NUP98: variants seen among roughly 807,000 people sequenced by gnomAD.
NUP98 encodes the protein nuclear pore complex protein Nup98-Nup96.
NUP98 carries 26 observed loss-of-function variants against 191.9 expected under a neutral mutation model. The observed-to-expected ratio is 0.14, with a 90% confidence interval of 0.10 to 0.19. The LOEUF is 0.19. Among genes scored for constraint, NUP98 ranks in the 10% least tolerant of loss-of-function variants. NUP98 has a pLI of 1.00. For missense variants in NUP98, 1,941 were observed against 2,178.8 expected (o/e 0.89, Z 2.17); for synonymous variants, 808 against 778.4 (o/e 1.04, Z -0.63).
intron 18 of NUP98, among the ~76,000 whole-genome samples, chr11:3,718,512 G>C (rs900494825): frequency 6.6e-6 from 1 of 151,856 alleles, no homozygotes; most frequent in Non-Finnish European, 1.5e-5. Context: ...CTCCAGCTTG[G>C]GCAAAGGAGT....
At chr11:3,763,092 G>C in intron 8 of NUP98, 53 bp from the exon 9 acceptor site, 2 of 1,520,222 alleles carry the variant, frequency 1.3e-6, no homozygotes, top group Non-Finnish European at 1.8e-6. Context: ...TTTCCGTAAC[G>C]AATCTCAGAG....
rs1433107911 is a variant in NUP98 at position 3,782,046 on chromosome 11, T to C, written c.72A>G (p.Gly24=). 1 of 1,611,602 alleles carries C rather than the reference T, an allele frequency of 6.2e-7. No homozygotes were observed. The highest frequency in any genetic ancestry group is 8.5e-7 in the Non-Finnish European group (1 of 1,178,294). ...TGGFGTTSTF[G]QNTGFGTTSG... is the part of the protein sequence containing the mutation. ...TTGTCCTTTTTAAAAACTTACTCTG[T>C]CCAAATGTTGAAGTTGTGCCAAAGC... The change falls in exon 2 of 33, where the codon GGA becomes GGG. Residue 24 remains glycine, a synonymous_variant. Transcript: ENST00000324932.
At chr11:3,766,269 G>GGAGGT (rs2081336366) in intron 8 of NUP98, among the ~76,000 whole-genome samples, 1 of 152,042 alleles carries the variant, frequency 6.6e-6, no homozygotes, top group Non-Finnish European at 1.5e-5. Context: ...CAGCTACTTG[G>GGAGGT]GAGGTGAGGT....
intron 7 of NUP98, among the ~76,000 whole-genome samples, chr11:3,770,897 C>T (rs2081509883): frequency 1.3e-5 from 2 of 152,072 alleles, no homozygotes; most frequent in Non-Finnish European, 2.9e-5. Context: ...TGGAGTCTTG[C>T]TGTCACCCAG....
At chr11:3,748,361 C>T (rs893156131) in intron 11 of NUP98, among the ~76,000 whole-genome samples, 13 of 152,136 alleles carry the variant, frequency 8.5e-5, no homozygotes, top group African/African-American at 2.4e-4. Flanking sequence ...GTCAGGAGTT[C>T]CAGACTAGCC....
chr11:3,778,610 A>T (rs1302763767), intron 4 of NUP98, among the ~76,000 whole-genome samples: 1 of 152,176 alleles, frequency 6.6e-6, no homozygotes, highest in East Asian at 1.9e-4. Context: ...TCCTTTCTCT[A>T]GCCATTTTGC....
At chr11:3,791,910 C>T (rs899156780) in intron 1 of NUP98, among the ~76,000 whole-genome samples, 15 of 149,886 alleles carry the variant, frequency 1.0e-4, no homozygotes, top group African/African-American at 3.2e-4. Flanking sequence ...CTGGGCGCAG[C>T]GGCTCATGCC....
chr11:3,782,009 T>A (rs925077024), intron 2 of NUP98, 33 bp downstream of exon 2: 7 of 1,471,780 alleles, frequency 4.8e-6, no homozygotes, highest in African/African-American at 1.4e-5. Context: ...GAGATTAAGG[T>A]TTCTCCCTCT....
intron 14 of NUP98, among the ~76,000 whole-genome samples, chr11:3,730,864 A>G (rs1224663370): frequency 6.6e-6 from 1 of 152,212 alleles, no homozygotes; most frequent in African/African-American, 2.4e-5. Flanking sequence ...CATATGTAAA[A>G]TAAGAGGCAT....
chr11:3,790,268 TA>T (rs2082290899), intron 1 of NUP98, among the ~76,000 whole-genome samples: 1 of 152,180 alleles, frequency 6.6e-6, no homozygotes, highest in African/African-American at 2.4e-5. Context: ...GATTTTCAAA[TA>T]TTTTTTAGCC....
chr11:3,757,397 G>A lies in NUP98; in HGVS notation c.1174+3142C>T, dbSNP rs185780828. Among the ~76,000 whole-genome samples the A allele has an allele frequency of 2.2e-3, 338 of 152,010 alleles. 3 individuals are homozygous for A. Among genetic ancestry groups the A allele is most frequent in the African/African-American group, 7.7e-3 (318 of 41,450 alleles). On this transcript the variant is annotated intron_variant, in intron 10 of 32. Transcript: ENST00000324932. ...AGCTACTCAGGAGGCTGAGGTGGGA[G>A]GATCACTTGAGCCCAGGAGGCGGAG... is the stretch of plus-strand genomic sequence containing the variant.
chr11:3,781,897 T>C (rs1005117924), intron 2 of NUP98, 145 bp downstream of exon 2: 8 of 518,666 alleles, frequency 1.5e-5, no homozygotes, highest in Non-Finnish European at 2.7e-5. Flanking sequence ...GTTAAAGAGA[T>C]CTTATCCTAA....
intron 22 of NUP98, among the ~76,000 whole-genome samples, chr11:3,704,103 A>T (rs1185113490): frequency 6.6e-6 from 1 of 152,218 alleles, no homozygotes; most frequent in Non-Finnish European, 1.5e-5. Context: ...ATTACGGAAA[A>T]GGTTATTAAG....
In NUP98 at chr11:3,695,915, G is replaced by A. The variant is rs539231504; in HGVS notation, c.4010-309C>T. ...GCTACAAAATGGAGGAAAACAGCCC[G>A]GCATGGTGGCTAATGCCTGTAATCC... On this transcript the variant is annotated intron_variant, in intron 25 of 32. Coordinates refer to ENST00000324932, the MANE Select transcript of NUP98 (RefSeq NM_016320.5). Among the ~76,000 whole-genome samples, 15 of 152,294 alleles carry A rather than the reference G, an allele frequency of 9.8e-5. No homozygotes were observed. The South Asian group carries it at 1.5e-3, about 15-fold the overall frequency.
chr11:3,719,336 T>C, intron 18 of NUP98, 76 bp downstream of exon 18: 1 of 1,214,300 alleles, frequency 8.2e-7, no homozygotes, highest in Non-Finnish European at 1.2e-6. Context: ...GAAGCATACA[T>C]CTAAACACAT....
intron 15 of NUP98, among the ~76,000 whole-genome samples, chr11:3,724,646 A>T (rs1018700366): frequency 6.6e-5 from 10 of 151,328 alleles, no homozygotes; most frequent in Non-Finnish European, 1.3e-4. Flanking sequence ...TACAAAAATT[A>T]ATCAGGCATG....
chr11:3,713,690 G>T, intron 19 of NUP98, 128 bp downstream of exon 19: 1 of 897,146 alleles, frequency 1.1e-6, no homozygotes, highest in Non-Finnish European at 1.7e-6. Context: ...TTGTACTCCA[G>T]CCTGAGCAAC....
chr11:3,763,656 C>G (rs1264716227), intron 8 of NUP98, among the ~76,000 whole-genome samples: 3 of 152,134 alleles, frequency 2.0e-5, no homozygotes, highest in Non-Finnish European at 2.9e-5. Context: ...TCAAGTGATT[C>G]TCTCGCCTCA....
At chr11:3,744,385 A>G in intron 12 of NUP98, 124 bp downstream of exon 12, 1 of 956,592 alleles carries the variant, frequency 1.0e-6, no homozygotes, top group Non-Finnish European at 1.5e-6. Context: ...TTACTACCCA[A>G]TTGTTTAATG....
Sources: gnomAD v4.1 joint callset for allele counts (sites outside exome capture counted in the v4.1 genomes callset) on GRCh38, gnomAD v4.1.1 for gene constraint, MANE v1.5 for transcripts, NCBI Gene and HGNC (gene_info 2026-07-23, HGNC 2026-07-21) for gene names.